The following WDR70 variants were observed in gnomAD, a reference collection of about 807,000 sequenced individuals.
WDR70 encodes the protein WD repeat-containing protein 70.
A neutral mutation model predicts 88.6 loss-of-function variants in WDR70; 53 were observed. The observed-to-expected ratio is 0.60, with a 90% CI of 0.48 to 0.75. The LOEUF (loss-of-function observed/expected upper bound fraction) is 0.75. Ranked by LOEUF, WDR70 falls within the 30% of genes least tolerant of loss-of-function variation. The probability of loss-of-function intolerance (pLI) is 0.00; values close to 1 mark genes in which losing one functional copy is unlikely to be tolerated. For synonymous variants in WDR70, 280 were observed against 270.0 expected (o/e 1.04, Z -0.36); for missense variants, 610 against 823.2 (o/e 0.74, Z 3.17).
At chr5:37,391,967 AT>A (rs751916404) in intron 3 of WDR70, 32 bp from the exon 4 acceptor site, 9 of 1,580,246 alleles carry the variant, frequency 5.7e-6, no homozygotes, top group Admixed American at 2.0e-5. Context: ...AACCGTTGGG[AT>A]TTTTTTGTTA....
At chr5:37,681,573 G>C (rs1746438288) in intron 10 of WDR70, among the ~76,000 whole-genome samples, 1 of 152,102 alleles carries the variant, frequency 6.6e-6, no homozygotes, top group Admixed American at 6.6e-5. Flanking sequence ...GTTTGTCATA[G>C]ATGGCTCTTA....
intron 10 of WDR70, among the ~76,000 whole-genome samples, chr5:37,668,611 A>G (rs913358227): frequency 6.6e-6 from 1 of 152,194 alleles, no homozygotes; most frequent in Non-Finnish European, 1.5e-5. Context: ...AACACCTTCA[A>G]TTTCAAGTTG....
intron 9 of WDR70, among the ~76,000 whole-genome samples, chr5:37,558,551 C>T (rs761877707): frequency 6.6e-6 from 1 of 151,872 alleles, no homozygotes; most frequent in Non-Finnish European, 1.5e-5. Flanking sequence ...GTCTTGAACT[C>T]CTCGGCTCAA....
chr5:37,748,542 G>A (rs1268177602), intron 17 of WDR70, among the ~76,000 whole-genome samples: 1 of 152,160 alleles, frequency 6.6e-6, no homozygotes, highest in African/African-American at 2.4e-5. Context: ...CCATTCCTAG[G>A]ACATAGGCAT....
chr5:37,471,323 A>G (rs1739319299), intron 7 of WDR70, among the ~76,000 whole-genome samples: 1 of 150,848 alleles, frequency 6.6e-6, no homozygotes, highest in African/African-American at 2.5e-5. Context: ...GTGGATATAT[A>G]GTAGTATTTC....
intron 9 of WDR70, among the ~76,000 whole-genome samples, chr5:37,548,600 C>T (rs534809837): frequency 1.3e-5 from 2 of 152,226 alleles, no homozygotes; most frequent in South Asian, 2.1e-4. Context: ...GTTGTCTCTT[C>T]ACTTTGTTGA....
intron 7 of WDR70, among the ~76,000 whole-genome samples, chr5:37,467,676 A>G (rs578129902): frequency 6.6e-6 from 1 of 151,794 alleles, no homozygotes; most frequent in Admixed American, 6.6e-5. Context: ...AGCTGGGACT[A>G]AGGTGCCCGC....
At chr5:37,636,323 A>G (rs1185557573) in intron 10 of WDR70, among the ~76,000 whole-genome samples, 3 of 152,370 alleles carry the variant, frequency 2.0e-5, no homozygotes, top group African/African-American at 7.2e-5. Flanking sequence ...TCCTTACAGT[A>G]TAATTCCAAT....
At chr5:37,549,016 C>T (rs972370344) in intron 9 of WDR70, among the ~76,000 whole-genome samples, 2 of 152,114 alleles carry the variant, frequency 1.3e-5, no homozygotes, top group South Asian at 4.1e-4. Flanking sequence ...TGTTTTTAGG[C>T]CAGTACCATG....
At chr5:37,739,199 AT>A (rs1748394026) in intron 17 of WDR70, among the ~76,000 whole-genome samples, 1 of 152,230 alleles carries the variant, frequency 6.6e-6, no homozygotes, top group African/African-American at 2.4e-5. Context: ...AAACCAGTAT[AT>A]GGAATAGTCT....
chr5:37,392,442 C>T (rs1470775029), intron 4 of WDR70, among the ~76,000 whole-genome samples: 3 of 152,010 alleles, frequency 2.0e-5, no homozygotes, highest in Non-Finnish European at 4.4e-5. Context: ...CCTCAGCCTC[C>T]CAAAGTGCTG....
At chr5:37,581,610 T>C (rs1260843154) in intron 9 of WDR70, among the ~76,000 whole-genome samples, 1 of 152,166 alleles carries the variant, frequency 6.6e-6, no homozygotes, top group African/African-American at 2.4e-5. Flanking sequence ...AGTCTAAATA[T>C]AAAATCAGCT....
intron 10 of WDR70, among the ~76,000 whole-genome samples, chr5:37,657,313 G>A (rs1005452961): frequency 1.3e-5 from 2 of 152,118 alleles, no homozygotes; most frequent in African/African-American, 4.8e-5. Flanking sequence ...GCCCTCGTGG[G>A]CTGTACCCAC....
intron 5 of WDR70, among the ~76,000 whole-genome samples, chr5:37,417,019 C>T (rs1749777295): frequency 6.6e-6 from 1 of 152,036 alleles, no homozygotes; most frequent in African/African-American, 2.4e-5. Context: ...TTGTTTCTGC[C>T]TCTGAGCAGT....
intron 3 of WDR70, among the ~76,000 whole-genome samples, chr5:37,390,638 G>A (rs552555995): frequency 1.4e-4 from 21 of 150,888 alleles, no homozygotes; most frequent in Admixed American, 5.9e-4. Flanking sequence ...CCACACCCGG[G>A]TAGTATAAAT....
At chr5:37,671,227 C>G (rs771144073) in intron 10 of WDR70, among the ~76,000 whole-genome samples, 1 of 152,116 alleles carries the variant, frequency 6.6e-6, no homozygotes, top group Non-Finnish European at 1.5e-5. Flanking sequence ...TGTTGGTACA[C>G]CCAGTTTGTT....
intron 8 of WDR70, among the ~76,000 whole-genome samples, chr5:37,488,254 A>G (rs1247177246): frequency 3.3e-5 from 5 of 151,412 alleles, no homozygotes; most frequent in Non-Finnish European, 7.4e-5. Context: ...GACTTTTGAC[A>G]ATCTGACTAT....
At chr5:37,692,755 T>C (rs577736598) in intron 10 of WDR70, among the ~76,000 whole-genome samples, 40 of 152,168 alleles carry the variant, frequency 2.6e-4, no homozygotes, top group Non-Finnish European at 5.1e-4. Flanking sequence ...CCATAGCCAA[T>C]ATCATACTGA....
chr5:37,671,804 C>T (rs544354929), intron 10 of WDR70, among the ~76,000 whole-genome samples: 1 of 152,216 alleles, frequency 6.6e-6, no homozygotes, highest in African/African-American at 2.4e-5. Context: ...TGACAATTTC[C>T]AGAGGTGGCA....
Sources: allele counts gnomAD v4.1 joint callset (sites outside exome capture counted in the v4.1 genomes callset), GRCh38; gene constraint gnomAD v4.1.1; transcripts MANE v1.5; gene names NCBI Gene and HGNC (gene_info 2026-07-23, HGNC 2026-07-21).